Variants in DMD observed in about 807,000 individuals in gnomAD.
The protein encoded by DMD is mutant dystrophin.
A neutral mutation model predicts 330.1 loss-of-function variants in DMD; 63 were observed. That is an observed-to-expected ratio of 0.19 (90% CI 0.16 to 0.24). DMD has a LOEUF of 0.24. Ranked by LOEUF, DMD falls within the 10% of genes least tolerant of loss-of-function variation. The probability of loss-of-function intolerance (pLI) is 1.00; values close to 1 mark genes in which losing one functional copy is unlikely to be tolerated. For synonymous variants in DMD, 1,223 were observed against 959.8 expected (o/e 1.27, Z -5.07); for missense variants, 3,344 against 2,684.1 (o/e 1.25, Z -5.43).
intron 5 of DMD, among the ~76,000 whole-genome samples, chrX:32,819,848 TAAAAAAAA>T (rs35344665): frequency 1.2e-5 from 1 of 81,017 alleles, no homozygotes; most frequent in Admixed American, 1.4e-4. Context: ...AATGTTGGTG[TAAAAAAAA>T]AAAAAAAAAA....
intron 23 of DMD, among the ~76,000 whole-genome samples, chrX:32,465,555 A>C (rs1351112637): frequency 2.0e-5 from 1 of 49,531 alleles, no homozygotes; most frequent in Non-Finnish European, 4.3e-5. Flanking sequence ...GTCCTTGTTC[A>C]GGTCTTTTTT....
chrX:32,805,715 C>T (rs922933698), intron 7 of DMD, among the ~76,000 whole-genome samples: 4 of 111,881 alleles, frequency 3.6e-5, no homozygotes, highest in African/African-American at 1.3e-4. Flanking sequence ...CAAAGGGAAG[C>T]CCATCAGACT....
At chrX:32,757,858 G>C (rs1216637315) in intron 7 of DMD, among the ~76,000 whole-genome samples, 1 of 111,600 alleles carries the variant, frequency 9.0e-6, no homozygotes, top group African/African-American at 3.3e-5. Flanking sequence ...ATTTTGCACT[G>C]TATCCCATCA....
At chrX:32,902,795 T>C (rs1054179023) in intron 2 of DMD, among the ~76,000 whole-genome samples, 3 of 110,835 alleles carry the variant, frequency 2.7e-5, no homozygotes, top group Non-Finnish European at 5.6e-5. Context: ...AAAACAGCTT[T>C]ACATTATAAA....
chrX:32,342,168 G>C lies in DMD; in HGVS notation c.5854C>G (p.Leu1952Val), dbSNP rs1436429780. 1 of 1,208,506 alleles carries C rather than the reference G, an allele frequency of 8.3e-7. No individual in the cohort carries two copies. Among genetic ancestry groups the C allele is most frequent in the African/African-American group, 1.7e-5 (1 of 57,144 alleles). ...AMAVEPTQIQ[L>V]SKRWREIESK... ...TCAATTTCCCGCCAGCGCTTGCTGA[G>C]CTGGATCTGAGTTGGCTCCACTGCC... is the stretch of plus-strand genomic sequence containing the variant. The change falls in exon 41 of 79, where the codon CTC becomes GTC. Residue 1952 changes from leucine (L) to valine (V), a missense_variant. Physicochemically the swap from Leu to Val is conservative, Grantham distance 32. Coordinates refer to ENST00000357033, the MANE Select transcript of DMD (RefSeq NM_004006.3).
chrX:31,732,462 G>C lies in DMD; in HGVS notation c.7543-2714C>G, dbSNP rs183458545. Among the ~76,000 whole-genome samples the C allele has an allele frequency of 2.2e-3, 244 of 111,289 alleles. 3 individuals are homozygous for C. Among genetic ancestry groups the C allele is most frequent in the Non-Finnish European group, 8.0e-4 (42 of 52,767 alleles). ...AAAACAGTGGTTAAAAGAATTTCTT[G>C]CTAATAAGAACACAAGCATATGGTG... is the stretch of plus-strand genomic sequence containing the variant. On this transcript the variant is annotated intron_variant, in intron 51 of 78. Coordinates refer to ENST00000357033, the MANE Select transcript of DMD (RefSeq NM_004006.3).
chrX:33,272,861 T>TTGC (rs2053181293), intron 1 of DMD, among the ~76,000 whole-genome samples: 1 of 111,421 alleles, frequency 9.0e-6, no homozygotes, highest in African/African-American at 3.3e-5. Context: ...CTTTAGTCAC[T>TTGC]TGCTCTTCCT....
chrX:31,294,380 C>T (rs2054006441), intron 62 of DMD, among the ~76,000 whole-genome samples: 1 of 112,166 alleles, frequency 8.9e-6, no homozygotes, highest in African/African-American at 3.2e-5. Flanking sequence ...ACACATGGGG[C>T]TATCTATAAG....
intron 43 of DMD, among the ~76,000 whole-genome samples, chrX:32,228,119 A>G (rs1368326514): frequency 9.0e-6 from 1 of 111,701 alleles, no homozygotes; most frequent in Non-Finnish European, 1.9e-5. Flanking sequence ...CTTGAGATAA[A>G]TTGATAAGTA....
intron 9 of DMD, among the ~76,000 whole-genome samples, chrX:32,678,546 G>A (rs1000927029): frequency 1.8e-5 from 2 of 110,667 alleles, no homozygotes; most frequent in Admixed American, 9.7e-5. Context: ...GTGTATGGGT[G>A]GGTGCCTACA....
In DMD at chrX:32,775,970, G is replaced by A. The variant is rs73621828; in HGVS notation, c.649+33523C>T. Reference sequence around the variant, plus strand: ...AATCTCTCTGTGAACGCATATAACCGTATGTTTTCAGAAAAAGTCAAGTCA... The same window carrying A: ...AATCTCTCTGTGAACGCATATAACCATATGTTTTCAGAAAAAGTCAAGTCA... On this transcript the variant is annotated intron_variant, in intron 7 of 78. Coordinates refer to ENST00000357033, the MANE Select transcript of DMD (RefSeq NM_004006.3). Among the ~76,000 whole-genome samples, 7 of 111,830 alleles carry A rather than the reference G, an allele frequency of 6.3e-5. No individual in the cohort carries two copies. The East Asian group carries it at 1.1e-3, about 18-fold the overall frequency.
chrX:32,044,445 G>T (rs995441093), intron 44 of DMD, among the ~76,000 whole-genome samples: 25 of 105,988 alleles, frequency 2.4e-4, no homozygotes, highest in Non-Finnish European at 4.5e-4. Context: ...TTTTTGAGAT[G>T]AAGTCTCGCT....
intron 44 of DMD, among the ~76,000 whole-genome samples, chrX:31,991,706 A>G (rs952234692): frequency 2.8e-5 from 3 of 107,535 alleles, no homozygotes; most frequent in African/African-American, 1.0e-4. Flanking sequence ...TGATTTTGAC[A>G]CATGAGAGGA....
intron 44 of DMD, 105 bp downstream of exon 44, chrX:32,216,811 C>A: frequency 1.3e-6 from 1 of 747,191 alleles, no homozygotes; most frequent in South Asian, 2.4e-5. Flanking sequence ...CAACAACAGT[C>A]AAAAGTAATT....
At chrX:32,153,757 G>A (rs374574401) in intron 44 of DMD, among the ~76,000 whole-genome samples, 7 of 111,495 alleles carry the variant, frequency 6.3e-5, no homozygotes, top group African/African-American at 2.3e-4. Context: ...ATAGCTTTAC[G>A]AATGGGCCAC....
chrX:32,280,666 A>AAG (rs2097417444), intron 43 of DMD, among the ~76,000 whole-genome samples: 1 of 111,842 alleles, frequency 8.9e-6, no homozygotes, highest in African/African-American at 3.2e-5. Context: ...GCTATAGCTG[A>AAG]ATGTCTCATT....
Position 32,473,689 on chromosome X carries a change from T to C in DMD, c.2804-1380A>G, listed in dbSNP as rs958626484. On this transcript the variant is annotated intron_variant, in intron 21 of 78. Transcript: ENST00000357033. ...GATAATTTTTTTCAATATGTTTATA[T>C]TGCATTTATTTGGGAACTCATAAAA... Among the ~76,000 whole-genome samples, 3 of 111,509 alleles carry C rather than the reference T, an allele frequency of 2.7e-5. No individual in the cohort carries two copies. The Admixed American group carries it at 2.9e-4, about 11-fold the overall frequency.
chrX:32,996,825 A>AT (rs1421529120), intron 2 of DMD, among the ~76,000 whole-genome samples: 1 of 111,461 alleles, frequency 9.0e-6, no homozygotes, highest in South Asian at 3.7e-4. Flanking sequence ...AAAAAAAAAA[A>AT]AAAACTAGCT....
chrX:32,258,751 G>A (rs774457531), intron 43 of DMD, among the ~76,000 whole-genome samples: 5 of 110,705 alleles, frequency 4.5e-5, no homozygotes, highest in East Asian at 2.9e-4. Flanking sequence ...ACCATGGAAC[G>A]TGTACACCTA....
Sources: gnomAD v4.1 joint callset for allele counts (sites outside exome capture counted in the v4.1 genomes callset) on GRCh38, gnomAD v4.1.1 for gene constraint, MANE v1.5 for transcripts, NCBI Gene and HGNC (gene_info 2026-07-23, HGNC 2026-07-21) for gene names.